SNAP91: variants seen among roughly 807,000 people sequenced by gnomAD.
The protein encoded by SNAP91 is synaptosome associated protein 91.
SNAP91 carries 27 observed loss-of-function variants against 100.3 expected under a neutral mutation model. The observed-to-expected ratio is 0.27, with a 90% CI of 0.20 to 0.37. The LOEUF is 0.37. Among genes scored for constraint, SNAP91 ranks in the 10% least tolerant of loss-of-function variants. SNAP91 has a pLI of 1.00. For missense variants in SNAP91, 986 were observed against 1,123.7 expected (o/e 0.88, Z 1.75); for synonymous variants, 404 against 398.6 (o/e 1.01, Z -0.16).
intron 25 of SNAP91, 67 bp from the exon 26 acceptor site, chr6:83,575,188 GCTC>G: frequency 9.4e-7 from 1 of 1,067,438 alleles, no homozygotes; most frequent in Non-Finnish European, 1.4e-6. Flanking sequence ...ATGGTGTGTG[GCTC>G]CTTAGATTAT....
intron 28 of SNAP91, among the ~76,000 whole-genome samples, chr6:83,558,414 C>G (rs1782077342): frequency 2.0e-5 from 3 of 152,228 alleles, no homozygotes; most frequent in Admixed American, 2.0e-4. Context: ...ACAGGGTTCA[C>G]CAGTCTTCAC....
chr6:83,555,223 GA>G (rs11446161), intron 29 of SNAP91, among the ~76,000 whole-genome samples: 75 of 148,528 alleles, frequency 5.0e-4, no homozygotes, highest in Middle Eastern at 3.5e-3. Context: ...TCTTGTATAA[GA>G]AAAAAAAAAC....
At chr6:83,579,804 T>C (rs1396403848) in intron 24 of SNAP91, among the ~76,000 whole-genome samples, 2 of 152,206 alleles carry the variant, frequency 1.3e-5, no homozygotes, top group Non-Finnish European at 2.9e-5. Flanking sequence ...TCAAAATCTT[T>C]GCTCAAATTT....
Position 83,688,502 on chromosome 6 carries a change from C to G in SNAP91, c.130+19296G>C, listed in dbSNP as rs1029962163. On this transcript the variant is annotated intron_variant, in intron 2 of 29. Transcript: ENST00000369694. ...TGTCCCTCAATACTCAGCCAAACAT[C>G]ACTTTTTTTTTTTTTTTTTTGAGAT... is the stretch of plus-strand genomic sequence containing the variant. 2.8e-5 allele frequency among the ~76,000 whole-genome samples: 4 copies of G among 142,250 alleles called. No individual in the cohort carries two copies. In the East Asian group the frequency reaches 7.9e-4, roughly 28 times the overall value. The allele number at this position is 142,250 out of a possible 152,430, so 93.3% of individuals were successfully genotyped here.
rs990259896 is a variant in SNAP91, at chr6:83,553,954, C to A, written c.*342G>T. ...ACATTGAAACCTTCAAAAACACAGA[C>A]GTCTTTCCAAATAGCTCGCCACACA... On this transcript the variant is annotated 3_prime_UTR_variant, in exon 30 of 30. Transcript: ENST00000369694. 6.6e-6 allele frequency: 1 copy of A among 152,510 alleles called. No homozygotes were observed. Among genetic ancestry groups the A allele is most frequent in the African/African-American group, 2.4e-5 (1 of 41,438 alleles). 9.4% of individuals were successfully genotyped at this position (152,510 alleles called of 1,614,324 possible).
At chr6:83,563,095 C>T (rs553728227) in intron 26 of SNAP91, among the ~76,000 whole-genome samples, 1 of 152,266 alleles carries the variant, frequency 6.6e-6, no homozygotes, top group East Asian at 1.9e-4. Flanking sequence ...AGGGCATTTG[C>T]CAGTATAAAC....
chr6:83,563,650 G>GTTC (rs1216735193), intron 26 of SNAP91, among the ~76,000 whole-genome samples: 5 of 152,126 alleles, frequency 3.3e-5, no homozygotes, highest in African/African-American at 1.2e-4. Flanking sequence ...TAATAAACAT[G>GTTC]TTCTTCAAAG....
chr6:83,556,258 A>G lies in SNAP91; in HGVS notation c.2632-13T>C, dbSNP rs1777725268. The G allele has an allele frequency of 7.1e-7, 1 of 1,410,508 alleles. No individual in the cohort carries two copies. Among genetic ancestry groups the G allele is most frequent in the Non-Finnish European group, 9.5e-7 (1 of 1,052,798 alleles). 87.4% of individuals were successfully genotyped at this position (1,410,508 alleles called of 1,614,324 possible). On this transcript the variant is annotated splice_polypyrimidine_tract_variant and intron_variant, in intron 28 of 29. Coordinates refer to ENST00000369694, the MANE Select transcript of SNAP91 (RefSeq NM_001242792.2). Reference sequence around the variant, plus strand: ...GGCTTGGAGAAAGCTAATGGGAAAAAGCCAGCCCCAAAGAGCAGGAATAGA... The same window carrying G: ...GGCTTGGAGAAAGCTAATGGGAAAAGGCCAGCCCCAAAGAGCAGGAATAGA...
chr6:83,614,540 G>A (rs1444186743), intron 11 of SNAP91, among the ~76,000 whole-genome samples: 2 of 151,938 alleles, frequency 1.3e-5, no homozygotes, highest in African/African-American at 2.4e-5. Context: ...TATGCTATAA[G>A]CCATGGGGAA....
At chr6:83,695,349 T>C (rs1438014026) in intron 2 of SNAP91, among the ~76,000 whole-genome samples, 3 of 151,358 alleles carry the variant, frequency 2.0e-5, no homozygotes, top group Non-Finnish European at 4.4e-5. Flanking sequence ...CTGTGATTTA[T>C]GGATTTATGA....
chr6:83,652,108 T>G (rs1429292968), intron 7 of SNAP91, among the ~76,000 whole-genome samples: 1 of 152,196 alleles, frequency 6.6e-6, no homozygotes. Context: ...AAAGTAGATT[T>G]CCTATAGACA....
intron 26 of SNAP91, among the ~76,000 whole-genome samples, chr6:83,562,101 C>T (rs558673249): frequency 1.5e-3 from 227 of 152,290 alleles, no homozygotes; most frequent in Non-Finnish European, 2.8e-3. Context: ...TTGGTGAATT[C>T]TACCAAATGT....
intron 8 of SNAP91, among the ~76,000 whole-genome samples, chr6:83,629,468 A>G (rs1336592002): frequency 6.6e-6 from 1 of 152,166 alleles, no homozygotes. Flanking sequence ...CATTTTCTCA[A>G]TACGGATTCT....
At chr6:83,701,566 C>A (rs1225309940) in intron 2 of SNAP91, among the ~76,000 whole-genome samples, 1 of 152,046 alleles carries the variant, frequency 6.6e-6, no homozygotes, top group Non-Finnish European at 1.5e-5. Context: ...CCTGCCTCAG[C>A]CTCCTGAGTA....
intron 8 of SNAP91, among the ~76,000 whole-genome samples, chr6:83,628,033 A>G (rs1355771198): frequency 1.3e-5 from 2 of 151,416 alleles, no homozygotes; most frequent in African/African-American, 4.8e-5. Flanking sequence ...GATTTCCTCA[A>G]AGCCCATTGT....
At chr6:83,647,692 A>G (rs1164993889) in intron 7 of SNAP91, among the ~76,000 whole-genome samples, 1 of 152,116 alleles carries the variant, frequency 6.6e-6, no homozygotes, top group African/African-American at 2.4e-5. Flanking sequence ...TTATTTATAT[A>G]TAATATATTA....
intron 2 of SNAP91, among the ~76,000 whole-genome samples, chr6:83,668,597 A>T (rs60153421): frequency 6.6e-6 from 1 of 152,020 alleles, no homozygotes; most frequent in East Asian, 1.9e-4. Context: ...ACCAAACACC[A>T]CATGTTCTCA....
chr6:83,680,229 C>T (rs1213121314), intron 2 of SNAP91, among the ~76,000 whole-genome samples: 1 of 152,130 alleles, frequency 6.6e-6, no homozygotes, highest in Non-Finnish European at 1.5e-5. Flanking sequence ...GAAAATGTTA[C>T]CCAACTCAGT....
chr6:83,685,469 A>C (rs1244709968), intron 2 of SNAP91, among the ~76,000 whole-genome samples: 1 of 152,218 alleles, frequency 6.6e-6, no homozygotes, highest in Non-Finnish European at 1.5e-5. Context: ...AAAACATAAG[A>C]ATAATCACTA....
Sources: allele counts gnomAD v4.1 joint callset (sites outside exome capture counted in the v4.1 genomes callset), GRCh38; gene constraint gnomAD v4.1.1; transcripts MANE v1.5; gene names NCBI Gene and HGNC (gene_info 2026-07-23, HGNC 2026-07-21).